Variants in TSPAN2 observed in about 807,000 individuals in gnomAD.
The protein encoded by TSPAN2 is tetraspanin-2.
In TSPAN2, 24 loss-of-function variants were observed where a neutral mutation model predicts 33.3. The ratio of observed to expected loss-of-function variants is 0.72; its 90% confidence interval spans 0.52 to 1.01. TSPAN2 has a LOEUF of 1.01. Among genes scored for constraint, TSPAN2 ranks in the 50% least tolerant of loss-of-function variants. The pLI, the probability that TSPAN2 is intolerant of heterozygous loss-of-function variation, is 0.00. For synonymous variants in TSPAN2, 114 were observed against 104.5 expected (o/e 1.09, Z -0.56); for missense variants, 278 against 281.3 (o/e 0.99, Z 0.08).
chr1:115,064,835 AGAGG>A (rs2101032060), intron 2 of TSPAN2, among the ~76,000 whole-genome samples: 1 of 152,334 alleles, frequency 6.6e-6, no homozygotes, highest in South Asian at 2.1e-4. Flanking sequence ...AATATGTGAA[AGAGG>A]GAGGCTCGTG....
chr1:115,072,977 G>A lies in TSPAN2; in HGVS notation c.100C>T (p.Leu34=). 1 of 1,614,188 alleles carries A rather than the reference G, an allele frequency of 6.2e-7. No individual in the cohort carries two copies. Among genetic ancestry groups the A allele is most frequent in the South Asian group, 1.1e-5 (1 of 91,082 alleles). The part of the protein sequence containing the change: ...LAGSAVIAFG[L]WFRFGGAIKE... ...ATGGCACCTCCGAACCGAAACCATA[G>A]TCCAAAAGCAATGACGGCCGATCCA... The change falls in exon 2 of 8, where the codon CTA becomes TTA. Residue 34 remains leucine, a synonymous_variant. Transcript: ENST00000369516.
At chr1:115,051,587 A>G (rs757265970) in intron 7 of TSPAN2, among the ~76,000 whole-genome samples, 4 of 152,182 alleles carry the variant, frequency 2.6e-5, no homozygotes, top group Non-Finnish European at 4.4e-5. Context: ...ATCTGTGGGC[A>G]CCATTCCATA....
intron 1 of TSPAN2, among the ~76,000 whole-genome samples, chr1:115,081,813 G>C (rs891060845): frequency 6.6e-6 from 1 of 152,138 alleles, no homozygotes; most frequent in African/African-American, 2.4e-5. Context: ...AGGAAACATC[G>C]CTCCCATGGT....
Position 115,089,338 on chromosome 1 carries a change from C to G in TSPAN2, c.69+26G>C, listed in dbSNP as rs756699100. On this transcript the variant is annotated intron_variant, in intron 1 of 7. Transcript: ENST00000369516. ...CCCGCCACCCGGCCCCCTGCCCTGA[C>G]CGGCCCTCCCGGCTCCTGGTCTCAC... 6 of 1,549,666 alleles carry G rather than the reference C, an allele frequency of 3.9e-6. No homozygotes were observed. In the South Asian group the frequency reaches 7.1e-5, roughly 18 times the overall value.
intron 2 of TSPAN2, among the ~76,000 whole-genome samples, chr1:115,064,314 C>A (rs761763874): frequency 6.6e-6 from 1 of 152,196 alleles, no homozygotes; most frequent in Non-Finnish European, 1.5e-5. Flanking sequence ...TATTCAGTTC[C>A]TTCATGGAAT....
chr1:115,070,550 C>T (rs140867108), intron 2 of TSPAN2, among the ~76,000 whole-genome samples: 169 of 151,814 alleles, frequency 1.1e-3, no homozygotes, highest in African/African-American at 4.0e-3. Flanking sequence ...CCCTCCCCAA[C>T]ATTCCAAATC....
intron 7 of TSPAN2, among the ~76,000 whole-genome samples, chr1:115,053,132 A>C (rs151080719): frequency 1.7e-4 from 26 of 152,340 alleles, no homozygotes; most frequent in African/African-American, 5.5e-4. Context: ...TTAAAACGGG[A>C]AGTTAATAAC....
At chr1:115,057,360 A>G (rs925257427) in intron 6 of TSPAN2, among the ~76,000 whole-genome samples, 177 bp downstream of exon 6, 1 of 152,206 alleles carries the variant, frequency 6.6e-6, no homozygotes, top group Non-Finnish European at 1.5e-5. Flanking sequence ...CAACAAGGAC[A>G]GCAGCCTTCC....
chr1:115,064,438 C>G (rs1028670523), intron 2 of TSPAN2, among the ~76,000 whole-genome samples: 2 of 152,226 alleles, frequency 1.3e-5, no homozygotes, highest in Non-Finnish European at 2.9e-5. Context: ...GCCTACAGAA[C>G]AGTTTCCCCC....
chr1:115,078,448 G>T (rs778765468), intron 1 of TSPAN2, among the ~76,000 whole-genome samples: 2 of 152,166 alleles, frequency 1.3e-5, no homozygotes, highest in South Asian at 4.1e-4. Context: ...AAAATTCACA[G>T]GTTGAGGCCT....
intron 1 of TSPAN2, among the ~76,000 whole-genome samples, chr1:115,083,659 C>T (rs900082471): frequency 6.6e-5 from 10 of 152,196 alleles, no homozygotes; most frequent in Admixed American, 2.6e-4. Context: ...GTGATCTGTA[C>T]GCACGTTAAA....
chr1:115,053,336 G>T (rs768714662), intron 7 of TSPAN2, 43 bp downstream of exon 7: 1 of 1,553,684 alleles, frequency 6.4e-7, no homozygotes, highest in Non-Finnish European at 8.9e-7. Flanking sequence ...AAGTTTCAAG[G>T]CTTTTTAGAG....
In TSPAN2 at chr1:115,062,219, C is replaced by T. The variant is rs1226511307; in HGVS notation, c.186G>A (p.Leu62=). ...CCATCATCAGGGCCCCGGCTCCAACCAGAACATACAGCCCTGTGGGGAAGA... is the reference window on the plus strand; with the variant it reads ...CCATCATCAGGGCCCCGGCTCCAACTAGAACATACAGCCCTGTGGGGAAGA... ...PEYFYVGLYV[L]VGAGALMMAV... Residue 62 remains leucine, a synonymous_variant, in exon 3 of 8, where the codon CTG becomes CTA. Coordinates refer to ENST00000369516, the MANE Select transcript of TSPAN2 (RefSeq NM_005725.6). 6.3e-7 allele frequency: 1 copy of T among 1,589,938 alleles called. No homozygotes were observed. Among genetic ancestry groups the T allele is most frequent in the African/African-American group, 1.3e-5 (1 of 74,704 alleles).
intron 6 of TSPAN2, 96 bp downstream of exon 6, chr1:115,057,441 T>C: frequency 1.6e-6 from 2 of 1,218,108 alleles, no homozygotes; most frequent in South Asian, 2.4e-5. Context: ...GCAAATTCAG[T>C]AAAATGCAGA....
intron 1 of TSPAN2, among the ~76,000 whole-genome samples, chr1:115,077,698 G>T (rs1439234082): frequency 6.6e-6 from 1 of 152,208 alleles, no homozygotes; most frequent in African/African-American, 2.4e-5. Flanking sequence ...TTATTTTACT[G>T]TACTTACTTC....
chr1:115,062,068 T>C, intron 3 of TSPAN2, 67 bp downstream of exon 3: 1 of 1,365,308 alleles, frequency 7.3e-7, no homozygotes, highest in South Asian at 1.3e-5. Flanking sequence ...CCAGAGGCAC[T>C]GACTCCCTTC....
intron 2 of TSPAN2, among the ~76,000 whole-genome samples, chr1:115,069,006 C>A (rs1474351329): frequency 6.6e-6 from 1 of 152,174 alleles, no homozygotes; most frequent in South Asian, 2.1e-4. Context: ...AGGTGTTTAT[C>A]CACAGCCTGT....
intron 2 of TSPAN2, among the ~76,000 whole-genome samples, chr1:115,072,119 G>A (rs747530): frequency 0.33 from 50,689 of 151,916 alleles, 9,098 homozygotes; most frequent in African/African-American, 0.44. Context: ...GGGGAATGAG[G>A]AAAGGTCACA....
intron 1 of TSPAN2, among the ~76,000 whole-genome samples, chr1:115,080,878 A>G (rs778894216): frequency 1.1e-4 from 17 of 152,334 alleles, no homozygotes; most frequent in Admixed American, 3.3e-4. Flanking sequence ...GGAGGCCACA[A>G]TGACTACTGT....
Sources: gnomAD v4.1 joint callset for allele counts (sites outside exome capture counted in the v4.1 genomes callset) on GRCh38, gnomAD v4.1.1 for gene constraint, MANE v1.5 for transcripts, NCBI Gene and HGNC (gene_info 2026-07-23, HGNC 2026-07-21) for gene names.